The following FBXW2 variants were observed in gnomAD, a reference collection of about 807,000 sequenced individuals.
FBXW2 encodes the protein F-box and WD repeat domain containing 2, also known as F-box/WD repeat-containing protein 2.
Under a neutral mutation model 46.0 loss-of-function variants are expected in FBXW2, and 12 were observed. The observed-to-expected ratio is 0.26, with a 90% CI of 0.17 to 0.42. The LOEUF is 0.42. Ranked by LOEUF, FBXW2 falls within the 10% of genes least tolerant of loss-of-function variation. The pLI, the probability that FBXW2 is intolerant of heterozygous loss-of-function variation, is 1.00. For missense variants in FBXW2, 360 were observed against 537.0 expected (o/e 0.67, Z 3.26); for synonymous variants, 203 against 209.6 (o/e 0.97, Z 0.27).
chr9:120,787,075 C>A (rs1480593641), intron 3 of FBXW2, among the ~76,000 whole-genome samples: 1 of 152,184 alleles, frequency 6.6e-6, no homozygotes, highest in Non-Finnish European at 1.5e-5. Flanking sequence ...GTCACCCAGG[C>A]TGGAGTGCAG....
chr9:120,786,275 G>GC lies in FBXW2; in HGVS notation c.490+1493dup, dbSNP rs570228414. Among the ~76,000 whole-genome samples the GC allele has an allele frequency of 8.9e-4, 135 of 152,222 alleles. 1 individual carries two copies. The highest frequency in any genetic ancestry group is 3.2e-3 in the African/African-American group (131 of 41,538). On this transcript the variant is annotated intron_variant, in intron 3 of 7. Transcript: ENST00000608872. ...GGGAGGTGACTGGATCATGGGGGTG[G>GC]CCCCCCATGCTGTTCTCATGATAGT...
intron 7 of FBXW2, among the ~76,000 whole-genome samples, chr9:120,767,857 TC>T (rs2044302718): frequency 6.6e-6 from 1 of 152,202 alleles, no homozygotes; most frequent in Non-Finnish European, 1.5e-5. Context: ...TAAATTTTTC[TC>T]TAATTTGTTC....
chr9:120,769,601 C>T (rs2044334400), intron 7 of FBXW2, among the ~76,000 whole-genome samples: 3 of 152,202 alleles, frequency 2.0e-5, no homozygotes, highest in Admixed American at 2.0e-4. Flanking sequence ...CAATATTGAA[C>T]TATAAAAGAT....
rs1435542391 is a variant in FBXW2, at chr9:120,758,968, G to GT, written c.*5590dup. The GT allele has an allele frequency of 6.6e-6, 1 of 152,036 alleles. No individual in the cohort carries two copies. The highest frequency in any genetic ancestry group is 1.9e-4 in the East Asian group (1 of 5,194). The allele number at this position is 152,036 out of a possible 1,614,324, so 9.4% of individuals were successfully genotyped here. A position where few individuals can be genotyped will look rare whatever the true frequency, so the allele number is the denominator to read the frequency against. On this transcript the variant is annotated 3_prime_UTR_variant, in exon 8 of 8. Transcript: ENST00000608872. ...AAATTCACCAAAATTATTTCCTTGT[G>GT]TTTTACCTTTATTGTTTTGCTTTTT...
chr9:120,775,827 A>T (rs1182551222), intron 5 of FBXW2, among the ~76,000 whole-genome samples: 1 of 152,038 alleles, frequency 6.6e-6, no homozygotes, highest in Non-Finnish European at 1.5e-5. Flanking sequence ...CACTCTACAT[A>T]TTTTTTTGTA....
intron 5 of FBXW2, among the ~76,000 whole-genome samples, chr9:120,773,750 G>A (rs921140001): frequency 2.0e-5 from 3 of 152,276 alleles, no homozygotes; most frequent in Middle Eastern, 3.4e-3. Flanking sequence ...ATTTCATTTC[G>A]TGTTCACAGG....
intron 7 of FBXW2, among the ~76,000 whole-genome samples, chr9:120,769,104 G>A (rs985550921): frequency 6.6e-6 from 1 of 152,200 alleles, no homozygotes; most frequent in African/African-American, 2.4e-5. Flanking sequence ...AACCTTACAT[G>A]CTGTAGAGAT....
rs1157507393 is a variant in FBXW2 at position 120,757,623 on chromosome 9, T to A, written c.*6936A>T. 11 of 152,198 alleles carry A rather than the reference T, an allele frequency of 7.2e-5. No individual in the cohort carries two copies. Among genetic ancestry groups the A allele is most frequent in the Admixed American group, 7.2e-4 (11 of 15,266 alleles). The allele number at this position is 152,198 out of a possible 1,614,324, so 9.4% of individuals were successfully genotyped here. On this transcript the variant is annotated 3_prime_UTR_variant, in exon 8 of 8. Coordinates refer to ENST00000608872, the MANE Select transcript of FBXW2 (RefSeq NM_012164.4). Reference sequence around the variant, plus strand: ...TGCAGTACATAAATCCATACACATGTGCATAAGGATTAGAAGAGAGTATTA... The same window carrying A: ...TGCAGTACATAAATCCATACACATGAGCATAAGGATTAGAAGAGAGTATTA...
In FBXW2 at chr9:120,760,878, G is replaced by A. The variant is rs1258007558; in HGVS notation, c.*3681C>T. The A allele has an allele frequency of 6.6e-6, 1 of 152,172 alleles. No homozygotes were observed. Among genetic ancestry groups the A allele is most frequent in the East Asian group, 1.9e-4 (1 of 5,192 alleles). The allele number at this position is 152,172 out of a possible 1,614,324, so 9.4% of individuals were successfully genotyped here. On this transcript the variant is annotated 3_prime_UTR_variant, in exon 8 of 8. Coordinates refer to ENST00000608872, the MANE Select transcript of FBXW2 (RefSeq NM_012164.4). ...TCTTTTGTTTTACAAATAGAGAGCA[G>A]TAATCATTTTCCTATGAATACTAGA...
At position 120,793,391 on chromosome 9, in the gene FBXW2, C is replaced by T. The variant is rs993770560; in HGVS notation, c.-167G>A. 5.0e-6 allele frequency: 2 copies of T among 400,692 alleles called. No homozygotes were observed. 24.8% of individuals were successfully genotyped at this position (400,692 alleles called of 1,614,324 possible). A position where few individuals can be genotyped will look rare whatever the true frequency, so the allele number is the denominator to read the frequency against. On this transcript the variant is annotated 5_prime_UTR_variant, in exon 1 of 8. In the 5' UTR this introduces an upstream ATG that the reference lacks. Transcript: ENST00000608872. Reference sequence around the variant, plus strand: ...CCGCTGCTCCCGGTCCGCAGCCTCACAGGGGAGCGGCTTCCGGTGCTGCCT... The same window carrying T: ...CCGCTGCTCCCGGTCCGCAGCCTCATAGGGGAGCGGCTTCCGGTGCTGCCT...
In FBXW2 at chr9:120,757,784, CTCA is replaced by C. The variant is rs2044147062; in HGVS notation, c.*6772_*6774del. ...AGGAACATCCCACTGGCAGGGACTA[CTCA>C]TGTCTAATCACAGTGTGATCATTAA... On this transcript the variant is annotated 3_prime_UTR_variant, in exon 8 of 8. Transcript: ENST00000608872. 6.6e-6 allele frequency: 1 copy of C among 152,072 alleles called. No homozygotes were observed. Among genetic ancestry groups the C allele is most frequent in the Admixed American group, 6.6e-5 (1 of 15,246 alleles). The allele number at this position is 152,072 out of a possible 1,614,324, so 9.4% of individuals were successfully genotyped here. A position where few individuals can be genotyped will look rare whatever the true frequency, so the allele number is the denominator to read the frequency against.
rs2044169372 is a variant in FBXW2, at chr9:120,759,753, C to A, written c.*4806G>T. 1 of 152,200 alleles carries A rather than the reference C, an allele frequency of 6.6e-6. No homozygotes were observed. Among genetic ancestry groups the A allele is most frequent in the South Asian group, 2.1e-4 (1 of 4,832 alleles). The allele number at this position is 152,200 out of a possible 1,614,324, so 9.4% of individuals were successfully genotyped here. ...TATGAAGAGTAGAAGTAGCTGAATT[C>A]TTTAGGCTGCAATAATTAAGTGGGT... On this transcript the variant is annotated 3_prime_UTR_variant, in exon 8 of 8. Transcript: ENST00000608872.
chr9:120,781,891 C>T (rs909632924), intron 3 of FBXW2, among the ~76,000 whole-genome samples: 15 of 151,808 alleles, frequency 9.9e-5, no homozygotes, highest in East Asian at 5.8e-4. Context: ...GGCGTGGTGG[C>T]GCACGCCTGT....
chr9:120,775,803 A>G (rs1054047659), intron 5 of FBXW2, among the ~76,000 whole-genome samples: 4 of 152,250 alleles, frequency 2.6e-5, no homozygotes, highest in Admixed American at 2.6e-4. Flanking sequence ...GAACACATTC[A>G]GAAACCGGTA....
intron 3 of FBXW2, among the ~76,000 whole-genome samples, chr9:120,784,811 C>T (rs2044685563): frequency 6.6e-6 from 1 of 150,836 alleles, no homozygotes; most frequent in South Asian, 2.1e-4. Context: ...ATGCCAGCTA[C>T]TGAGGAAGCT....
chr9:120,786,029 A>T (rs1362813910), intron 3 of FBXW2, among the ~76,000 whole-genome samples: 1 of 151,114 alleles, frequency 6.6e-6, no homozygotes, highest in Non-Finnish European at 1.5e-5. Flanking sequence ...AAAAAAAAAA[A>T]AAAAAAAAAA....
intron 3 of FBXW2, 78 bp downstream of exon 3, chr9:120,787,691 C>G (rs1025488444): frequency 5.5e-6 from 8 of 1,461,150 alleles, no homozygotes; most frequent in African/African-American, 1.4e-5. Flanking sequence ...TTGTCATTCT[C>G]AAAGCTCAAG....
In FBXW2 at chr9:120,763,629, C is replaced by A. The variant is rs2044227331; in HGVS notation, c.*930G>T. 6.6e-6 allele frequency: 1 copy of A among 152,098 alleles called. No homozygotes were observed. The highest frequency in any genetic ancestry group is 2.4e-5 in the African/African-American group (1 of 41,410). 9.4% of individuals were successfully genotyped at this position (152,098 alleles called of 1,614,324 possible). A position where few individuals can be genotyped will look rare whatever the true frequency, so the allele number is the denominator to read the frequency against. On this transcript the variant is annotated 3_prime_UTR_variant, in exon 8 of 8. Coordinates refer to ENST00000608872, the MANE Select transcript of FBXW2 (RefSeq NM_012164.4). ...GTCATTTCATTTAAATATTATCCGA[C>A]CTGAAAGAAACCATGAATCAGGGAT...
intron 7 of FBXW2, among the ~76,000 whole-genome samples, chr9:120,768,147 G>A (rs1043168012): frequency 2.6e-5 from 4 of 152,160 alleles, no homozygotes; most frequent in East Asian, 3.8e-4. Flanking sequence ...GAACGGACTA[G>A]TGTCTCAGTC....
Sources: gnomAD v4.1 joint callset for allele counts (sites outside exome capture counted in the v4.1 genomes callset) on GRCh38, gnomAD v4.1.1 for gene constraint, MANE v1.5 for transcripts, NCBI Gene and HGNC (gene_info 2026-07-23, HGNC 2026-07-21) for gene names.